NHSL1: variants seen among roughly 807,000 people sequenced by gnomAD.
The protein encoded by NHSL1 is NHS like 1, also known as NHS-like protein 1.
A neutral mutation model predicts 95.0 loss-of-function variants in NHSL1; 48 were observed. That is an observed-to-expected ratio of 0.51 (90% CI 0.40 to 0.64). NHSL1 has a LOEUF of 0.64. Among genes scored for constraint, NHSL1 ranks in the 30% least tolerant of loss-of-function variants. NHSL1 has a pLI of 0.00. For missense variants in NHSL1, 1,971 were observed against 2,077.7 expected, an observed-to-expected ratio of 0.95 and a Z score of 1.00; for synonymous variants, 783 against 833.9, an observed-to-expected ratio of 0.94 and a Z score of 1.05.
intron 3 of NHSL1, among the ~76,000 whole-genome samples, chr6:138,447,756 G>C (rs1776956761): frequency 6.6e-6 from 1 of 152,126 alleles, no homozygotes; most frequent in Non-Finnish European, 1.5e-5. Flanking sequence ...CTAGGCAAAA[G>C]AGTGAGACTG....
chr6:138,479,327 A>G (rs1360570215), intron 2 of NHSL1, among the ~76,000 whole-genome samples: 1 of 152,158 alleles, frequency 6.6e-6, no homozygotes, highest in Non-Finnish European at 1.5e-5. Context: ...CACTTAAAGG[A>G]GACACTTGAC....
Position 138,431,107 on chromosome 6 carries a change from G to A in NHSL1, c.3238C>T (p.Pro1080Ser). The change falls in exon 6 of 8, where the codon CCC becomes TCC. Residue 1080 changes from proline (P) to serine (S), a missense_variant. Pro to Ser is a moderately conservative substitution (Grantham distance 74). Transcript: ENST00000343505. This position sits in a 1 kb window ranked among gnomAD's most constrained non-coding sequence, Gnocchi z 4.0. ...TCAGCGCCTGAGTTCTTTCTCACGGGCCTCAACTGCACCATCTGCAATGCT... is the reference window on the plus strand; with the variant it reads ...TCAGCGCCTGAGTTCTTTCTCACGGACCTCAACTGCACCATCTGCAATGCT... ...TEALQMVQLR[P>S]VRKNSGAEAA... 1 of 1,551,820 alleles carries A rather than the reference G, an allele frequency of 6.4e-7. No individual in the cohort carries two copies.
chr6:138,464,027 G>C, intron 3 of NHSL1: 1 of 360,458 alleles, frequency 2.8e-6, no homozygotes, highest in East Asian at 5.8e-5. Flanking sequence ...TTGGCATATT[G>C]GCAAGACTGA....
chr6:138,546,355 C>A (rs2128328352), upstream of NHSL1, among the ~76,000 whole-genome samples: 1 of 136,128 alleles, frequency 7.3e-6, no homozygotes, highest in African/African-American at 2.7e-5. Context: ...CTTTGGGAGA[C>A]CAAGGTGGGA....
At chr6:138,450,329 A>C (rs923041394) in intron 3 of NHSL1, among the ~76,000 whole-genome samples, 1 of 152,232 alleles carries the variant, frequency 6.6e-6, no homozygotes, top group Non-Finnish European at 1.5e-5. Flanking sequence ...CATACACATA[A>C]ATATAATTTT....
intron 1 of NHSL1, among the ~76,000 whole-genome samples, chr6:138,532,779 G>A (rs887475481): frequency 1.3e-5 from 2 of 152,096 alleles, no homozygotes; most frequent in African/African-American, 4.8e-5. Flanking sequence ...TTTACATGCA[G>A]AAATTTTACT....
At chr6:138,597,084 C>G (rs552294781) in intron 1 of NHSL1, among the ~76,000 whole-genome samples, 2 of 152,178 alleles carry the variant, frequency 1.3e-5, no homozygotes, top group South Asian at 4.1e-4. Flanking sequence ...TCGCTTGAAC[C>G]TGGGAGGCAG....
intron 1 of NHSL1, among the ~76,000 whole-genome samples, chr6:138,653,422 C>CATGT (rs1488680273): frequency 6.6e-6 from 1 of 152,080 alleles, no homozygotes; most frequent in Non-Finnish European, 1.5e-5. Context: ...GGCGTAGTGG[C>CATGT]ATGTGCCTGT....
intron 1 of NHSL1, among the ~76,000 whole-genome samples, chr6:138,668,334 T>G (rs1785320822): frequency 6.6e-6 from 1 of 152,008 alleles, no homozygotes; most frequent in South Asian, 2.1e-4. Context: ...TCGCAACTAC[T>G]AGGGAGGATG....
intron 1 of NHSL1, among the ~76,000 whole-genome samples, chr6:138,606,841 T>C (rs1241920029): frequency 6.6e-6 from 1 of 151,894 alleles, no homozygotes; most frequent in Non-Finnish European, 1.5e-5. Context: ...TAGCTGGGAC[T>C]ACAGGTACCC....
At chr6:138,465,748 G>C (rs1430556617) in intron 3 of NHSL1, among the ~76,000 whole-genome samples, 5 of 138,384 alleles carry the variant, frequency 3.6e-5, no homozygotes, top group Admixed American at 1.5e-4. Flanking sequence ...TTTTGAGACA[G>C]AGTCTAGCTC....
intron 1 of NHSL1, among the ~76,000 whole-genome samples, chr6:138,508,196 A>C (rs924709647): frequency 1.3e-5 from 2 of 152,174 alleles, no homozygotes; most frequent in Non-Finnish European, 2.9e-5. Context: ...CCCAAATCAA[A>C]AGTCCAAAAC....
intron 2 of NHSL1, among the ~76,000 whole-genome samples, chr6:138,478,918 T>C (rs1376633723): frequency 1.3e-5 from 2 of 152,138 alleles, no homozygotes; most frequent in Non-Finnish European, 1.5e-5. Flanking sequence ...AAGTTTCAAA[T>C]ACAGAAGAAA....
chr6:138,496,164 T>C, intron 2 of NHSL1, 55 bp downstream of exon 2: 1 of 1,521,446 alleles, frequency 6.6e-7, no homozygotes, highest in Non-Finnish European at 8.9e-7. Context: ...ATCAAATTTA[T>C]GCTCTCAGCA....
intron 3 of NHSL1, among the ~76,000 whole-genome samples, chr6:138,469,967 T>A (rs1778647257): frequency 6.6e-6 from 1 of 150,662 alleles, no homozygotes; most frequent in Non-Finnish European, 1.5e-5. Context: ...AAGAAGGGAG[T>A]GGGGGAGGCA....
At chr6:138,569,422 C>T (rs1051778220) in intron 1 of NHSL1, among the ~76,000 whole-genome samples, 3 of 152,092 alleles carry the variant, frequency 2.0e-5, no homozygotes, top group African/African-American at 4.8e-5. Context: ...GTGGATTAGG[C>T]TGTGTGTGAT....
intron 1 of NHSL1, among the ~76,000 whole-genome samples, chr6:138,570,064 A>G (rs886831045): frequency 7.2e-5 from 11 of 152,216 alleles, no homozygotes; most frequent in Non-Finnish European, 1.5e-4. Flanking sequence ...CACAAGTCAC[A>G]TGTACAGTAT....
chr6:138,679,790 A>C (rs952470432), intron 1 of NHSL1, among the ~76,000 whole-genome samples: 1 of 152,104 alleles, frequency 6.6e-6, no homozygotes, highest in African/African-American at 2.4e-5. Flanking sequence ...TATCTACAAC[A>C]TGGGGGAATA....
At chr6:138,655,349 C>A (rs1027429285) in intron 1 of NHSL1, among the ~76,000 whole-genome samples, 3 of 152,194 alleles carry the variant, frequency 2.0e-5, no homozygotes, top group African/African-American at 4.8e-5. Context: ...GTGTTTCATG[C>A]TTCCTTTCAC....
Sources: allele counts gnomAD v4.1 joint callset (sites outside exome capture counted in the v4.1 genomes callset), GRCh38; gene constraint gnomAD v4.1.1; non-coding constraint Gnocchi (gnomAD v3.1); transcripts MANE v1.5; gene names NCBI Gene and HGNC (gene_info 2026-07-23, HGNC 2026-07-21).